DLG2: variants seen among roughly 807,000 people sequenced by gnomAD.
DLG2 encodes discs large MAGUK scaffold protein 2, also known as disks large homolog 2.
DLG2 carries 45 observed loss-of-function variants against 132.5 expected under a neutral mutation model. The ratio of observed to expected loss-of-function variants is 0.34; its 90% CI spans 0.27 to 0.44. DLG2 has a LOEUF of 0.44. DLG2 is among the 20% of genes least tolerant of loss of function. The probability of loss-of-function intolerance (pLI) is 1.00; values close to 1 mark genes in which losing one functional copy is unlikely to be tolerated. For synonymous variants in DLG2, 424 were observed against 419.6 expected, an observed-to-expected ratio of 1.01 and a Z score of -0.13; for missense variants, 1,045 against 1,196.9, an observed-to-expected ratio of 0.87 and a Z score of 1.87.
At chr11:84,069,346 C>A (rs1039668305) in intron 10 of DLG2, among the ~76,000 whole-genome samples, 1 of 152,174 alleles carries the variant, frequency 6.6e-6, no homozygotes, top group Non-Finnish European at 1.5e-5. Context: ...GACTCCAAAC[C>A]CAACCCCTCT....
intron 10 of DLG2, among the ~76,000 whole-genome samples, chr11:84,063,599 C>A (rs538460022): frequency 2.6e-5 from 4 of 152,142 alleles, no homozygotes; most frequent in Non-Finnish European, 4.4e-5. Flanking sequence ...TTGACCCAGC[C>A]ATCCCATTAC....
At chr11:85,570,137 A>G (rs1283444522) in intron 3 of DLG2, among the ~76,000 whole-genome samples, 1 of 152,210 alleles carries the variant, frequency 6.6e-6, no homozygotes, top group Non-Finnish European at 1.5e-5. Context: ...ATGTTTTTTA[A>G]AAAAACAAAT....
chr11:85,189,979 T>C (rs1363141218), intron 4 of DLG2, among the ~76,000 whole-genome samples: 2 of 152,162 alleles, frequency 1.3e-5, no homozygotes, highest in African/African-American at 2.4e-5. Context: ...TTATAATGTA[T>C]AAATTATACT....
At chr11:84,021,387 C>G (rs189850154) in intron 11 of DLG2, among the ~76,000 whole-genome samples, 1 of 152,108 alleles carries the variant, frequency 6.6e-6, no homozygotes, top group Non-Finnish European at 1.5e-5. Flanking sequence ...TGTTATAAGC[C>G]CTTTCTCCCC....
intron 16 of DLG2, among the ~76,000 whole-genome samples, chr11:83,843,256 G>A (rs1325312338): frequency 2.0e-5 from 3 of 152,164 alleles, no homozygotes; most frequent in African/African-American, 7.2e-5. Flanking sequence ...GCTGTTTGCT[G>A]TTTGCTTTGG....
intron 8 of DLG2, among the ~76,000 whole-genome samples, chr11:84,191,161 T>C (rs2096400940): frequency 1.3e-5 from 2 of 152,346 alleles, no homozygotes; most frequent in African/African-American, 2.4e-5. Context: ...GATTTTTTTA[T>C]GTGGATTTCA....
intron 3 of DLG2, among the ~76,000 whole-genome samples, chr11:85,416,811 GA>G (rs1350639804): frequency 6.6e-6 from 1 of 152,180 alleles, no homozygotes; most frequent in Non-Finnish European, 1.5e-5. Context: ...AAACTTTGCT[GA>G]AGTTGCTTAT....
intron 7 of DLG2, among the ~76,000 whole-genome samples, chr11:84,397,242 C>T (rs2098813945): frequency 1.3e-5 from 2 of 152,168 alleles, no homozygotes; most frequent in East Asian, 1.9e-4. Flanking sequence ...GTATTATACA[C>T]TCTGCCTCTC....
chr11:85,315,416 T>C (rs1435365482), intron 3 of DLG2, among the ~76,000 whole-genome samples: 1 of 151,980 alleles, frequency 6.6e-6, no homozygotes, highest in African/African-American at 2.4e-5. Context: ...AGTTCTGATA[T>C]GGTATCATAA....
intron 6 of DLG2, among the ~76,000 whole-genome samples, chr11:85,088,251 C>T (rs533147694): frequency 7.2e-5 from 11 of 152,252 alleles, no homozygotes; most frequent in African/African-American, 2.4e-4. Context: ...TGAAACAAAG[C>T]GACCTGAGCA....
intron 12 of DLG2, among the ~76,000 whole-genome samples, chr11:83,979,974 AATAG>A (rs1197054814): frequency 6.6e-6 from 1 of 152,194 alleles, no homozygotes; most frequent in Non-Finnish European, 1.5e-5. Context: ...ATGTCAACAA[AATAG>A]ATACATTGTA....
intron 7 of DLG2, among the ~76,000 whole-genome samples, chr11:84,400,239 C>A (rs1008319297): frequency 6.6e-6 from 1 of 152,188 alleles, no homozygotes; most frequent in Non-Finnish European, 1.5e-5. Flanking sequence ...TATGTATATT[C>A]TCATTCAGTA....
chr11:84,949,656 G>A (rs907922269), intron 6 of DLG2, among the ~76,000 whole-genome samples: 2 of 152,174 alleles, frequency 1.3e-5, no homozygotes, highest in Non-Finnish European at 2.9e-5. Context: ...ATATGGCTCT[G>A]TTCTGCCTGG....
At chr11:85,053,141 C>T (rs1345605669) in intron 6 of DLG2, among the ~76,000 whole-genome samples, 2 of 152,126 alleles carry the variant, frequency 1.3e-5, no homozygotes, top group Non-Finnish European at 2.9e-5. Flanking sequence ...GGCACTTCAC[C>T]TCTATGGCCT....
intron 10 of DLG2, among the ~76,000 whole-genome samples, chr11:84,093,371 C>T (rs2097123947): frequency 6.6e-6 from 1 of 152,196 alleles, no homozygotes. Context: ...TTCTTTCTCA[C>T]ATGGCCTCCT....
At chr11:84,261,064 C>G (rs377593431) in intron 7 of DLG2, among the ~76,000 whole-genome samples, 5 of 152,318 alleles carry the variant, frequency 3.3e-5, no homozygotes, top group African/African-American at 1.2e-4. Flanking sequence ...TACTAAAGAG[C>G]TATAATCTTA....
chr11:84,877,413 G>T (rs2154050998), intron 6 of DLG2, among the ~76,000 whole-genome samples: 1 of 151,190 alleles, frequency 6.6e-6, no homozygotes, highest in East Asian at 2.0e-4. Context: ...TCTTCTTGTT[G>T]CATTGATCCC....
chr11:83,988,497 T>C (rs982194634), intron 11 of DLG2, among the ~76,000 whole-genome samples: 3 of 152,200 alleles, frequency 2.0e-5, no homozygotes, highest in African/African-American at 7.2e-5. Flanking sequence ...TAAATTACTT[T>C]GGGCAGTATG....
intron 6 of DLG2, among the ~76,000 whole-genome samples, chr11:84,711,344 G>C (rs1051070817): frequency 5.0e-5 from 4 of 79,892 alleles, no homozygotes; most frequent in African/African-American, 4.9e-4. Context: ...GAGAGAGAGA[G>C]AGAGAGAGAG....
Sources: gnomAD v4.1 joint callset for allele counts (sites outside exome capture counted in the v4.1 genomes callset) on GRCh38, gnomAD v4.1.1 for gene constraint, MANE v1.5 for transcripts, NCBI Gene and HGNC (gene_info 2026-07-23, HGNC 2026-07-21) for gene names.